The following APLF variants were observed in gnomAD, a reference collection of about 807,000 sequenced individuals.
The protein encoded by APLF is aprataxin and PNKP like factor, also known as aprataxin and PNK-like factor.
A neutral mutation model predicts 55.6 loss-of-function variants in APLF; 61 were observed. The observed-to-expected ratio is 1.10, with a 90% CI of 0.89 to 1.36. The LOEUF (loss-of-function observed/expected upper bound fraction) is 1.36, where lower values mean the gene tolerates loss of function less well. Among genes scored for constraint, APLF ranks in the 40% most tolerant of loss-of-function variants. The probability of loss-of-function intolerance (pLI) is 0.00; values close to 1 mark genes in which losing one functional copy is unlikely to be tolerated. For missense variants in APLF, 611 were observed against 602.5 expected, an observed-to-expected ratio of 1.01 and a Z score of -0.15; for synonymous variants, 207 against 214.8, an observed-to-expected ratio of 0.96 and a Z score of 0.32.
intron 8 of APLF, among the ~76,000 whole-genome samples, chr2:68,555,904 C>T (rs1462670350): frequency 1.3e-5 from 2 of 152,208 alleles, no homozygotes; most frequent in South Asian, 2.1e-4. Flanking sequence ...CTTGCACACG[C>T]ATGTTTATAG....
In APLF at chr2:68,538,231, A is replaced by G. The variant is rs774228814; in HGVS notation, c.1160+4A>G. On this transcript the variant is annotated splice_donor_region_variant and intron_variant, in intron 7 of 9. Transcript: ENST00000303795. ...TGTATGGGGCAAACTGCTATAGGTAAAATGAAATTACAGTAACATTTAATT... is the reference window on the plus strand; with the variant it reads ...TGTATGGGGCAAACTGCTATAGGTAGAATGAAATTACAGTAACATTTAATT... The G allele has an allele frequency of 4.4e-6, 7 of 1,581,246 alleles. No homozygotes were observed. The highest frequency in any genetic ancestry group is 6.0e-6 in the Non-Finnish European group (7 of 1,164,424).
intron 1 of APLF, among the ~76,000 whole-genome samples, chr2:68,478,449 A>C (rs2103882804): frequency 6.6e-6 from 1 of 152,228 alleles, no homozygotes; most frequent in East Asian, 1.9e-4. Flanking sequence ...ATAGACTCTA[A>C]TATGATTCAA....
chr2:68,483,427 C>T (rs1676027425), intron 1 of APLF, among the ~76,000 whole-genome samples: 1 of 152,188 alleles, frequency 6.6e-6, no homozygotes, highest in Non-Finnish European at 1.5e-5. Flanking sequence ...TCTTTTCATC[C>T]TGCTTTTGTG....
intron 9 of APLF, among the ~76,000 whole-genome samples, chr2:68,575,209 G>T (rs1671589229): frequency 6.6e-6 from 1 of 152,186 alleles, no homozygotes. Context: ...AAGCTTGGAG[G>T]AGGGAGCAAG....
At chr2:68,475,881 T>TATATATATATATA (rs1675755853) in intron 1 of APLF, among the ~76,000 whole-genome samples, 1 of 148,656 alleles carries the variant, frequency 6.7e-6, no homozygotes, top group African/African-American at 2.5e-5. Context: ...TTTAAGTCTT[T>TATATATATATATA]TATATATATA....
At chr2:68,574,276 T>G (rs1671562425) in intron 9 of APLF, among the ~76,000 whole-genome samples, 1 of 152,158 alleles carries the variant, frequency 6.6e-6, no homozygotes, top group African/African-American at 2.4e-5. Context: ...CTACTAGCAA[T>G]TTTTTAAAAA....
chr2:68,476,999 G>T (rs990879738), intron 1 of APLF, among the ~76,000 whole-genome samples: 1 of 152,164 alleles, frequency 6.6e-6, no homozygotes, highest in East Asian at 1.9e-4. Context: ...AAATTAAAAA[G>T]ATATGTCATG....
At chr2:68,509,967 GA>G (rs1676994647) in intron 3 of APLF, among the ~76,000 whole-genome samples, 1 of 149,512 alleles carries the variant, frequency 6.7e-6, no homozygotes, top group Admixed American at 6.8e-5. Context: ...CTATCGCAAG[GA>G]CAAAAAACCA....
rs191871719 is a variant in APLF at position 68,554,277 on chromosome 2, G to C, written c.1286+8965G>C. 2.4e-3 allele frequency among the ~76,000 whole-genome samples: 365 copies of C among 152,126 alleles called. 7 individuals are homozygous for C. The highest frequency in any genetic ancestry group is 0.023 in the Admixed American group (348 of 15,262). Reference sequence around the variant, plus strand: ...CACAGCCCTGCTAATATAGCAGGTTGATCTTTAGAAAAGGATCTGTAATTA... The same window carrying C: ...CACAGCCCTGCTAATATAGCAGGTTCATCTTTAGAAAAGGATCTGTAATTA... On this transcript the variant is annotated intron_variant, in intron 8 of 9. Transcript: ENST00000303795.
chr2:68,573,932 A>G lies in APLF; in HGVS notation c.1334-3888A>G, dbSNP rs184146202. Among the ~76,000 whole-genome samples the G allele has an allele frequency of 3.3e-3, 501 of 152,280 alleles. 5 individuals are homozygous for G. Among genetic ancestry groups the G allele is most frequent in the Middle Eastern group, 3.4e-3 (1 of 294 alleles). On this transcript the variant is annotated intron_variant, in intron 9 of 9. Coordinates refer to ENST00000303795, the MANE Select transcript of APLF (RefSeq NM_173545.3). ...AACAGCTTTACAATAAAAACAGATA[A>G]AAAGCCGGAACAACTTCAGGTTCTC...
At chr2:68,508,978 C>T (rs1186976686) in intron 3 of APLF, among the ~76,000 whole-genome samples, 1 of 151,950 alleles carries the variant, frequency 6.6e-6, no homozygotes, top group Non-Finnish European at 1.5e-5. Flanking sequence ...GGAAAGGATT[C>T]CCTATTTAAT....
At chr2:68,468,726 G>A (rs1675514491) in intron 1 of APLF, among the ~76,000 whole-genome samples, 1 of 152,204 alleles carries the variant, frequency 6.6e-6, no homozygotes, top group African/African-American at 2.4e-5. Context: ...GGTGCTCACT[G>A]TGTAGAACAT....
rs558261971 is a variant in APLF at position 68,575,513 on chromosome 2, G to A, written c.1334-2307G>A. On this transcript the variant is annotated intron_variant, in intron 9 of 9. Coordinates refer to ENST00000303795, the MANE Select transcript of APLF (RefSeq NM_173545.3). ...TTGTGAAGAATAGACTAGAATGGAA[G>A]CAAGAGAGCCAGTTAGGAGGATATT... 1.1e-4 allele frequency among the ~76,000 whole-genome samples: 17 copies of A among 152,220 alleles called. No individual in the cohort carries two copies. In the South Asian group the frequency reaches 3.3e-3, roughly 30 times the overall value.
intron 1 of APLF, among the ~76,000 whole-genome samples, chr2:68,489,152 A>T (rs370726624): frequency 2.0e-5 from 3 of 152,330 alleles, no homozygotes; most frequent in African/African-American, 7.2e-5. Context: ...ATTACTGTCT[A>T]TATGTTACAG....
intron 5 of APLF, among the ~76,000 whole-genome samples, chr2:68,521,200 T>TG (rs1669887894): frequency 6.6e-6 from 1 of 152,014 alleles, no homozygotes; most frequent in South Asian, 2.1e-4. Context: ...TCCTGAAACT[T>TG]TGCTGAGTTC....
intron 9 of APLF, among the ~76,000 whole-genome samples, chr2:68,569,375 T>A (rs557294967): frequency 6.6e-6 from 1 of 152,242 alleles, no homozygotes; most frequent in East Asian, 1.9e-4. Flanking sequence ...CAGTCACCTT[T>A]GTTTCTTTGC....
At chr2:68,570,812 G>A (rs1427974048) in intron 9 of APLF, among the ~76,000 whole-genome samples, 1 of 152,150 alleles carries the variant, frequency 6.6e-6, no homozygotes, top group African/African-American at 2.4e-5. Context: ...TATATACCCA[G>A]TAATGGGATG....
intron 1 of APLF, among the ~76,000 whole-genome samples, chr2:68,476,086 G>C (rs916986253): frequency 2.7e-5 from 4 of 150,786 alleles, no homozygotes; most frequent in Non-Finnish European, 5.9e-5. Flanking sequence ...GTCTGTTGTT[G>C]ATACAGCAAA....
chr2:68,525,943 T>C, intron 5 of APLF, 118 bp from the exon 6 acceptor site: 2 of 953,220 alleles, frequency 2.1e-6, no homozygotes, highest in South Asian at 3.9e-5. Flanking sequence ...AGAGACCGGG[T>C]TTCACCATGT....
Sources: gnomAD v4.1 joint callset for allele counts (sites outside exome capture counted in the v4.1 genomes callset) on GRCh38, gnomAD v4.1.1 for gene constraint, MANE v1.5 for transcripts, NCBI Gene and HGNC (gene_info 2026-07-23, HGNC 2026-07-21) for gene names.